The following CYB561 variants were observed in gnomAD, a reference collection of about 807,000 sequenced individuals.
CYB561 encodes the protein cytochrome b561.
In CYB561, 11 loss-of-function variants were observed where a neutral mutation model predicts 25.3. The ratio of observed to expected loss-of-function variants is 0.44; its 90% CI spans 0.27 to 0.72. The LOEUF (loss-of-function observed/expected upper bound fraction) is 0.72. Ranked by LOEUF, CYB561 falls within the 30% of genes least tolerant of loss-of-function variation. CYB561 has a pLI of 0.18. For synonymous variants in CYB561, 165 were observed against 158.8 expected (o/e 1.04, Z -0.29); for missense variants, 295 against 334.9 (o/e 0.88, Z 0.93).
chr17:63,441,904 G>A (rs1324956128), intron 1 of CYB561, among the ~76,000 whole-genome samples: 36 of 152,248 alleles, frequency 2.4e-4, no homozygotes, highest in Admixed American at 2.4e-3. Flanking sequence ...GTGCGTGCAA[G>A]ACAGCAGGCC....
At chr17:63,435,818 A>G (rs1367118721) in intron 3 of CYB561, 27 bp from the exon 4 acceptor site, 2 of 1,609,470 alleles carry the variant, frequency 1.2e-6, no homozygotes, top group East Asian at 4.5e-5. Flanking sequence ...TCATATGAGG[A>G]CAGGGTTGGA....
chr17:63,438,315 C>A, intron 1 of CYB561: 2 of 1,024,160 alleles, frequency 2.0e-6, no homozygotes, highest in Non-Finnish European at 2.9e-6. Flanking sequence ...GCTGGTCACA[C>A]CTTTTCTCCA....
intron 1 of CYB561, chr17:63,445,794 C>T (rs1032792211): frequency 6.6e-6 from 1 of 152,326 alleles, no homozygotes; most frequent in African/African-American, 2.4e-5. Context: ...CCTGCGGCTC[C>T]ACGTTGCAGC....
At position 63,433,817 on chromosome 17, in the gene CYB561, C is replaced by A. The variant is rs1484491673; in HGVS notation, c.*585G>T. 1.1e-5 allele frequency: 2 copies of A among 176,282 alleles called. No individual in the cohort carries two copies. Among genetic ancestry groups the A allele is most frequent in the South Asian group, 2.0e-4 (1 of 5,064 alleles). The allele number at this position is 176,282 out of a possible 1,614,324, so 10.9% of individuals were successfully genotyped here. Reference sequence around the variant, plus strand: ...TTAAAGAAGAGGAAGGTCAGGACTACAGCTGGGCCACAGCCTCATCTCAGA... The same window carrying A: ...TTAAAGAAGAGGAAGGTCAGGACTAAAGCTGGGCCACAGCCTCATCTCAGA... On this transcript the variant is annotated 3_prime_UTR_variant, in exon 6 of 6. Transcript: ENST00000360793.
chr17:63,434,514 A>G lies in CYB561; in HGVS notation c.644T>C (p.Val215Ala). ...GTCGGCCCGGGTCAAGATGTAGAGC[A>G]CCGCCCCACCGAAGCAGGCCAGCAG... ...GLLLACFGGA[V>A]LYILTRADWK... Residue 215 changes from valine to alanine, a missense_variant, in exon 6 of 6, where the codon GTG (valine) becomes GCG (alanine). Transcript: ENST00000360793. 2 of 1,613,482 alleles carry G rather than the reference A, an allele frequency of 1.2e-6. No individual in the cohort carries two copies. Among genetic ancestry groups the G allele is most frequent in the South Asian group, 2.2e-5 (2 of 91,022 alleles).
rs949877723 is a variant in CYB561, at chr17:63,435,916, T to G, written c.302-125A>C. 3.1e-5 allele frequency: 49 copies of G among 1,584,582 alleles called. No individual in the cohort carries two copies. The African/African-American group carries it at 5.0e-4, about 16-fold the overall frequency. On this transcript the variant is annotated intron_variant, in intron 3 of 5. Transcript: ENST00000360793. Reference sequence around the variant, plus strand: ...TCCCAGCTCGAGGGCTGCCAGCACCTAGTGGCCCTGCAGGGGATGTTTGGG... The same window carrying G: ...TCCCAGCTCGAGGGCTGCCAGCACCGAGTGGCCCTGCAGGGGATGTTTGGG...
At chr17:63,443,381 C>T (rs2049395167) in intron 1 of CYB561, among the ~76,000 whole-genome samples, 2 of 152,144 alleles carry the variant, frequency 1.3e-5, no homozygotes, top group Non-Finnish European at 2.9e-5. Flanking sequence ...TATCCTAGGG[C>T]GGCTGTCCTG....
In CYB561 at chr17:63,440,208, C is replaced by T. The variant is rs72845004; in HGVS notation, c.-13-2648G>A. 8,668 of 398,780 alleles carry T rather than the reference C, an allele frequency of 0.022. 127 individuals are homozygous for T. The highest frequency in any genetic ancestry group is 0.04 in the Middle Eastern group (64 of 1,590). 24.7% of individuals were successfully genotyped at this position (398,780 alleles called of 1,614,324 possible). ...CATCTCTACCTGGACATCCCACAGA[C>T]GCTTCAAACCCAGCTCGTCCCAAGT... is the stretch of plus-strand genomic sequence containing the variant. On this transcript the variant is annotated intron_variant, in intron 1 of 5. Coordinates refer to ENST00000360793, the MANE Select transcript of CYB561 (RefSeq NM_001915.4).
intron 2 of CYB561, 54 bp downstream of exon 2, chr17:63,437,292 C>T: frequency 1.4e-6 from 2 of 1,430,650 alleles, no homozygotes; most frequent in Non-Finnish European, 2.0e-6. Flanking sequence ...CTGCAAACTG[C>T]CTCTCAGGGA....
intron 1 of CYB561, chr17:63,438,122 C>T (rs2147495516): frequency 6.5e-7 from 1 of 1,534,854 alleles, no homozygotes; most frequent in Middle Eastern, 1.7e-4. Flanking sequence ...CAGGCGTGAC[C>T]TGGGACACGA....
intron 1 of CYB561, among the ~76,000 whole-genome samples, chr17:63,440,546 G>A (rs574025372): frequency 7.9e-5 from 12 of 152,292 alleles, no homozygotes; most frequent in African/African-American, 2.4e-4. Flanking sequence ...GATCCTGCCC[G>A]TTTCCATCTG....
At chr17:63,443,726 C>A (rs759424125) in intron 1 of CYB561, among the ~76,000 whole-genome samples, 1 of 152,156 alleles carries the variant, frequency 6.6e-6, no homozygotes, top group Non-Finnish European at 1.5e-5. Flanking sequence ...CTCCTGGGCT[C>A]GAGGGATCCT....
Position 63,446,245 on chromosome 17 carries a change from C to A in CYB561, c.-14G>T. On this transcript the variant is annotated splice_region_variant and 5_prime_UTR_variant, in exon 1 of 6. Coordinates refer to ENST00000360793, the MANE Select transcript of CYB561 (RefSeq NM_001915.4). Reference sequence around the variant, plus strand: ...TCCCACCCCCAGCCCGGCCTCCTACCTTGCCTACCCGAGCGTCCCTTCAGC... The same window carrying A: ...TCCCACCCCCAGCCCGGCCTCCTACATTGCCTACCCGAGCGTCCCTTCAGC... The A allele has an allele frequency of 6.6e-6, 1 of 152,058 alleles. No individual in the cohort carries two copies. The highest frequency in any genetic ancestry group is 1.9e-4 in the East Asian group (1 of 5,198). The allele number at this position is 152,058 out of a possible 1,614,324, so 9.4% of individuals were successfully genotyped here. A position where few individuals can be genotyped will look rare whatever the true frequency, so the allele number is the denominator to read the frequency against.
At position 63,433,488 on chromosome 17, in the gene CYB561, G is replaced by A. The variant is rs2049257151; in HGVS notation, c.*914C>T. The A allele has an allele frequency of 2.5e-6, 1 of 398,840 alleles. No individual in the cohort carries two copies. Among genetic ancestry groups the A allele is most frequent in the East Asian group, 3.6e-5 (1 of 28,068 alleles). The allele number at this position is 398,840 out of a possible 1,614,324, so 24.7% of individuals were successfully genotyped here. A position where few individuals can be genotyped will look rare whatever the true frequency, so the allele number is the denominator to read the frequency against. The stretch of plus-strand genomic sequence containing the variant: ...GAGGCAGCAGCTCCAGCAGCCCCAG[G>A]GGGCTCTAGCCACAGCCAGCAGCAG... On this transcript the variant is annotated 3_prime_UTR_variant, in exon 6 of 6. Coordinates refer to ENST00000360793, the MANE Select transcript of CYB561 (RefSeq NM_001915.4).
At chr17:63,441,515 C>T (rs1599122041) in intron 1 of CYB561, among the ~76,000 whole-genome samples, 1 of 152,252 alleles carries the variant, frequency 6.6e-6, no homozygotes, top group Non-Finnish European at 1.5e-5. Context: ...CCTAAAGGGG[C>T]GTGCAGATGA....
At chr17:63,438,074 G>A in intron 1 of CYB561, 1 of 1,533,386 alleles carries the variant, frequency 6.5e-7, no homozygotes, top group African/African-American at 1.4e-5. Context: ...CAAGTCTCGG[G>A]AGTGGCTGGG....
In CYB561 at chr17:63,437,553, G is replaced by C; in HGVS notation, c.-6C>G. 1 of 1,605,918 alleles carries C rather than the reference G, an allele frequency of 6.2e-7. No homozygotes were observed. The highest frequency in any genetic ancestry group is 8.5e-7 in the Non-Finnish European group (1 of 1,179,460). On this transcript the variant is annotated 5_prime_UTR_variant, in exon 2 of 6. Coordinates refer to ENST00000360793, the MANE Select transcript of CYB561 (RefSeq NM_001915.4). Reference sequence around the variant, plus strand: ...GCCGCGGCCCCGCCCTCCATGCTGAGGCAAACGCTGCAAGAAAGAGCAGAG... The same window carrying C: ...GCCGCGGCCCCGCCCTCCATGCTGACGCAAACGCTGCAAGAAAGAGCAGAG...
At chr17:63,445,578 G>A (rs2049415487) in intron 1 of CYB561, among the ~76,000 whole-genome samples, 1 of 152,036 alleles carries the variant, frequency 6.6e-6, no homozygotes, top group Non-Finnish European at 1.5e-5. Flanking sequence ...TGATACAGTC[G>A]GGGACAGGGC....
chr17:63,446,405 C>G (rs985753098), upstream of CYB561: 3 of 151,918 alleles, frequency 2.0e-5, no homozygotes, highest in Non-Finnish European at 4.4e-5. Context: ...GGGGCTGCCC[C>G]GCACGTGCCA....
Sources: gnomAD v4.1 joint callset for allele counts (sites outside exome capture counted in the v4.1 genomes callset) on GRCh38, gnomAD v4.1.1 for gene constraint, MANE v1.5 for transcripts, NCBI Gene and HGNC (gene_info 2026-07-23, HGNC 2026-07-21) for gene names.